AMIGO2: variants seen among roughly 807,000 people sequenced by gnomAD.
AMIGO2 encodes the protein adhesion molecule with Ig like domain 2, also known as amphoterin-induced protein 2.
Under a neutral mutation model 23.7 loss-of-function variants are expected in AMIGO2, and 15 were observed. The observed-to-expected ratio is 0.63, with a 90% CI of 0.42 to 0.98. The LOEUF is 0.98. Ranked by LOEUF, AMIGO2 falls within the 50% of genes least tolerant of loss-of-function variation. The pLI is 0.00. For synonymous variants in AMIGO2, 264 were observed against 252.3 expected, an observed-to-expected ratio of 1.05 and a Z score of -0.44; for missense variants, 561 against 633.1, an observed-to-expected ratio of 0.89 and a Z score of 1.22.
At position 47,078,866 on chromosome 12, in the gene AMIGO2, A is replaced by G. The variant is rs368728537; in HGVS notation, c.137T>C (p.Ile46Thr). 2 of 1,614,102 alleles carry G rather than the reference A, an allele frequency of 1.2e-6. No individual in the cohort carries two copies. Among genetic ancestry groups the G allele is most frequent in the African/African-American group, 2.7e-5 (2 of 74,922 alleles). Residue 46 changes from isoleucine to threonine, a missense_variant, in exon 3 of 3, where the codon ATC becomes ACC. Transcript: ENST00000550413. ...GASGVCPTACICATDIVSCTN... is the reference protein window; with the variant it reads ...GASGVCPTACTCATDIVSCTN... ...GCAGCTGACGATGTCAGTGGCACAG[A>G]TGCAAGCGGTGGGGCACACCCCAGA...
Position 47,076,488 on chromosome 12 carries a change from T to C in AMIGO2, c.*946A>G, listed in dbSNP as rs1357983958. 4.6e-5 allele frequency: 7 copies of C among 152,598 alleles called. No individual in the cohort carries two copies. The highest frequency in any genetic ancestry group is 1.2e-4 in the African/African-American group (5 of 41,432). The allele number at this position is 152,598 out of a possible 1,614,324, so 9.5% of individuals were successfully genotyped here. A position where few individuals can be genotyped will look rare whatever the true frequency, so the allele number is the denominator to read the frequency against. ...GCTATCAGTGGTGCTTTATACAAAA[T>C]AGCATAATCTGATAACATAAGACAT... On this transcript the variant is annotated 3_prime_UTR_variant, in exon 3 of 3. Coordinates refer to ENST00000550413, the MANE Select transcript of AMIGO2 (RefSeq NM_001370299.1).
rs1260345200 is a variant in AMIGO2 at position 47,077,488 on chromosome 12, G to C, written c.1515C>G (p.Asp505Glu). The part of the protein sequence containing the change: ...GILKSTRGKS[D>E]SDSVNSVFSD... Reference sequence around the variant, plus strand: ...AAAACACTGAATTGACTGAATCTGAGTCAGATTTCCCCCTCGTGGACTTTA... The same window carrying C: ...AAAACACTGAATTGACTGAATCTGACTCAGATTTCCCCCTCGTGGACTTTA... The change falls in exon 3 of 3, where the codon GAC becomes GAG. Residue 505 changes from aspartate to glutamate, a missense_variant. Transcript: ENST00000550413. The C allele has an allele frequency of 6.2e-7, 1 of 1,614,050 alleles. No homozygotes were observed. Among genetic ancestry groups the C allele is most frequent in the East Asian group, 2.2e-5 (1 of 44,898 alleles).
chr12:47,078,688 G>T lies in AMIGO2; in HGVS notation c.315C>A (p.Ile105=), dbSNP rs1941899282. ...AAAAACTGCCCGTGGAAATGCTGGT[G>T]ATGTTGTTATGACGAAGAATTAGGG... ...LNTLILRHNN[I]TSISTGSFST... is the part of the protein sequence containing the mutation. Residue 105 remains isoleucine, a synonymous_variant, in exon 3 of 3, where the codon ATC becomes ATA. Transcript: ENST00000550413. 1.2e-6 allele frequency: 2 copies of T among 1,614,120 alleles called. No homozygotes were observed.
chr12:47,079,565 T>A lies in AMIGO2; in HGVS notation c.-274A>T, dbSNP rs1230916822. ...GTCTGTCACTCTTGCACCTTCCGAC[T>A]TCCTTTCCCTCCGGCTCCCGGCGGG... On this transcript the variant is annotated 5_prime_UTR_variant, in exon 1 of 3. It adds an upstream start codon to the 5' untranslated region. Coordinates refer to ENST00000550413, the MANE Select transcript of AMIGO2 (RefSeq NM_001370299.1). 6.6e-6 allele frequency: 1 copy of A among 152,566 alleles called. No individual in the cohort carries two copies. The highest frequency in any genetic ancestry group is 2.4e-5 in the African/African-American group (1 of 41,448). 9.5% of individuals were successfully genotyped at this position (152,566 alleles called of 1,614,324 possible).
Position 47,077,027 on chromosome 12 carries a change from AT to A in AMIGO2, c.*406del. 1 of 158,730 alleles carries A rather than the reference AT, an allele frequency of 6.3e-6. No homozygotes were observed. The highest frequency in any genetic ancestry group is 6.3e-5 in the Admixed American group (1 of 15,974). The allele number at this position is 158,730 out of a possible 1,614,324, so 9.8% of individuals were successfully genotyped here. ...TCTTTCTACATCTTTTAAAAATGAA[AT>A]TGGACACTAGTGTTTTTCTTTAAAA... On this transcript the variant is annotated 3_prime_UTR_variant, in exon 3 of 3. Transcript: ENST00000550413.
In AMIGO2 at chr12:47,078,612, T is replaced by C; in HGVS notation, c.391A>G (p.Thr131Ala). Reference protein sequence around the residue: ...CLDLSSNKLKTVKNAVFQELK... With the variant: ...CLDLSSNKLKAVKNAVFQELK... The stretch of plus-strand genomic sequence containing the variant: ...TCTTGGAATACAGCATTTTTCACCG[T>C]CTTCAGCTTATTGGACGATAAGTCA... The change falls in exon 3 of 3, where the codon ACG becomes GCG. Residue 131 changes from threonine to alanine, a missense_variant. Coordinates refer to ENST00000550413, the MANE Select transcript of AMIGO2 (RefSeq NM_001370299.1). 2 of 1,614,198 alleles carry C rather than the reference T, an allele frequency of 1.2e-6. No individual in the cohort carries two copies. Among genetic ancestry groups the C allele is most frequent in the Non-Finnish European group, 1.7e-6 (2 of 1,180,036 alleles).
Position 47,079,172 on chromosome 12 carries a change from G to T in AMIGO2, c.-94C>A, listed in dbSNP as rs1320120230. ...TTTCTTTCCAATAACTTTTGAAATGGGTTTTATTTCACAATAGGGAGCTCT... is the reference window on the plus strand; with the variant it reads ...TTTCTTTCCAATAACTTTTGAAATGTGTTTTATTTCACAATAGGGAGCTCT... On this transcript the variant is annotated 5_prime_UTR_variant, in exon 2 of 3. Coordinates refer to ENST00000550413, the MANE Select transcript of AMIGO2 (RefSeq NM_001370299.1). The T allele has an allele frequency of 4.2e-6, 4 of 943,030 alleles. No individual in the cohort carries two copies. Among genetic ancestry groups the T allele is most frequent in the Non-Finnish European group, 6.1e-6 (4 of 660,036 alleles). The allele number at this position is 943,030 out of a possible 1,614,324, so 58.4% of individuals were successfully genotyped here. A position where few individuals can be genotyped will look rare whatever the true frequency, so the allele number is the denominator to read the frequency against.
In AMIGO2 at chr12:47,076,452, G is replaced by A. The variant is rs1941857256; in HGVS notation, c.*982C>T. 1.4e-5 allele frequency: 2 copies of A among 148,074 alleles called. No homozygotes were observed. Among genetic ancestry groups the A allele is most frequent in the East Asian group, 2.0e-4 (1 of 5,020 alleles). The allele number at this position is 148,074 out of a possible 1,614,324, so 9.2% of individuals were successfully genotyped here. A position where few individuals can be genotyped will look rare whatever the true frequency, so the allele number is the denominator to read the frequency against. On this transcript the variant is annotated 3_prime_UTR_variant, in exon 3 of 3. Coordinates refer to ENST00000550413, the MANE Select transcript of AMIGO2 (RefSeq NM_001370299.1). ...AAAAAAATCAACTTTAAGAATTTTG[G>A]AGAGAGATTTGCTATCAGTGGTGCT...
Position 47,078,381 on chromosome 12 carries a change from G to T in AMIGO2, c.622C>A (p.Pro208Thr). The T allele has an allele frequency of 2.5e-6, 4 of 1,614,002 alleles. No homozygotes were observed. The highest frequency in any genetic ancestry group is 2.5e-6 in the Non-Finnish European group (3 of 1,180,032). Reference sequence around the variant, plus strand: ...GGCACTAAATTTATGTGGTGCATTGGCATGGAAGGAATTCGGTTATAAGAA... The same window carrying T: ...GGCACTAAATTTATGTGGTGCATTGTCATGGAAGGAATTCGGTTATAAGAA... ...DVSYNRIPSM[P>T]MHHINLVPGK... is the part of the protein sequence containing the mutation. Residue 208 changes from proline to threonine, a missense_variant, in exon 3 of 3, where the codon CCA becomes ACA. Physicochemically the swap from Pro to Thr is conservative, Grantham distance 38. Coordinates refer to ENST00000550413, the MANE Select transcript of AMIGO2 (RefSeq NM_001370299.1).
Position 47,078,400 on chromosome 12 carries a change from A to G in AMIGO2, c.603T>C (p.Tyr201=). Residue 201 remains tyrosine, a synonymous_variant, in exon 3 of 3, where the codon TAT becomes TAC. Coordinates refer to ENST00000550413, the MANE Select transcript of AMIGO2 (RefSeq NM_001370299.1). ...GCATTGGCATGGAAGGAATTCGGTT[A>G]TAAGAAACATCTAAAAACATCAGTT... is the stretch of plus-strand genomic sequence containing the variant. The part of the protein sequence containing the change: ...LAELMFLDVS[Y]NRIPSMPMHH... 6.2e-7 allele frequency: 1 copy of G among 1,614,168 alleles called. No homozygotes were observed. Among genetic ancestry groups the G allele is most frequent in the African/African-American group, 1.3e-5 (1 of 75,060 alleles).
rs1232501621 is a variant in AMIGO2, at chr12:47,077,993, A to G, written c.1010T>C (p.Met337Thr). Residue 337 changes from methionine (M) to threonine (T), a missense_variant, in exon 3 of 3, where the codon ATG (methionine) becomes ACG (threonine). By Grantham distance (81) the Met-to-Thr change is moderately conservative. Transcript: ENST00000550413. ...ATTGTGAAACACGTAAAAGTTTTCCATCTCTTTATCCGGCTCTAGCAGTCT... is the reference window on the plus strand; with the variant it reads ...ATTGTGAAACACGTAAAAGTTTTCCGTCTCTTTATCCGGCTCTAGCAGTCT... ...DNRLLEPDKE[M>T]ENFYVFHNGS... 3.1e-6 allele frequency: 5 copies of G among 1,613,754 alleles called. No individual in the cohort carries two copies. The highest frequency in any genetic ancestry group is 4.2e-6 in the Non-Finnish European group (5 of 1,180,044).
In AMIGO2 at chr12:47,077,990, T is replaced by C. The variant is rs570724023; in HGVS notation, c.1013A>G (p.Glu338Gly). Residue 338 changes from glutamate (E) to glycine (G), a missense_variant, in exon 3 of 3, where the codon GAA (glutamate) becomes GGA (glycine). By Grantham distance (98) the Glu-to-Gly change is moderately conservative. Coordinates refer to ENST00000550413, the MANE Select transcript of AMIGO2 (RefSeq NM_001370299.1). ...TCCATTGTGAAACACGTAAAAGTTT[T>C]CCATCTCTTTATCCGGCTCTAGCAG... ...NRLLEPDKEMENFYVFHNGSL... is the reference protein window; with the variant it reads ...NRLLEPDKEMGNFYVFHNGSL... 4 of 1,613,900 alleles carry C rather than the reference T, an allele frequency of 2.5e-6. No homozygotes were observed. The South Asian group carries it at 4.4e-5, about 18-fold the overall frequency.
rs983995863 is a variant in AMIGO2, at chr12:47,076,923, T to A, written c.*511A>T. 1 of 157,702 alleles carries A rather than the reference T, an allele frequency of 6.3e-6. No homozygotes were observed. Among genetic ancestry groups the A allele is most frequent in the Admixed American group, 6.2e-5 (1 of 16,072 alleles). The allele number at this position is 157,702 out of a possible 1,614,324, so 9.8% of individuals were successfully genotyped here. On this transcript the variant is annotated 3_prime_UTR_variant, in exon 3 of 3. Coordinates refer to ENST00000550413, the MANE Select transcript of AMIGO2 (RefSeq NM_001370299.1). ...TATCAGTGTAGTCTATTCATTCTGG[T>A]CTAAAACGGTAATTTTGGCTGAATA...
In AMIGO2 at chr12:47,078,037, G is replaced by A. The variant is rs762661191; in HGVS notation, c.966C>T (p.Ile322=). Residue 322 remains isoleucine, a synonymous_variant, in exon 3 of 3, where the codon ATC becomes ATT. Transcript: ENST00000550413. The part of the protein sequence containing the change: ...SKTGNANTDF[I]WVGPDNRLLE... ...GCAGTCTGTTATCTGGACCCACCCA[G>A]ATGAAATCCGTATTTGCATTACCTG... 3.2e-5 allele frequency: 51 copies of A among 1,613,934 alleles called. No individual in the cohort carries two copies. The highest frequency in any genetic ancestry group is 4.2e-5 in the Non-Finnish European group (49 of 1,180,054).
In AMIGO2 at chr12:47,077,144, G is replaced by T; in HGVS notation, c.*290C>A. The T allele has an allele frequency of 3.5e-6, 1 of 289,502 alleles. No homozygotes were observed. The highest frequency in any genetic ancestry group is 6.4e-6 in the Non-Finnish European group (1 of 155,668). 17.9% of individuals were successfully genotyped at this position (289,502 alleles called of 1,614,324 possible). On this transcript the variant is annotated 3_prime_UTR_variant, in exon 3 of 3. Transcript: ENST00000550413. ...TTTCTTTCAATATCCTAAATAAAGG[G>T]ACAATGGGAGTCATATCACCTTTGG...
chr12:47,078,263 T>G lies in AMIGO2; in HGVS notation c.740A>C (p.His247Pro). ...YSLLVFWYRR[H>P]FSSVMDFKND... The stretch of plus-strand genomic sequence containing the variant: ...CTTAAAATCCATCACTGAGCTAAAG[T>G]GCCTACGATACCAAAAGACCAGCAA... The change falls in exon 3 of 3, where the codon CAC becomes CCC. Residue 247 changes from histidine to proline, a missense_variant. Transcript: ENST00000550413. 6.2e-7 allele frequency: 1 copy of G among 1,614,034 alleles called. No homozygotes were observed. Among genetic ancestry groups the G allele is most frequent in the Non-Finnish European group, 8.5e-7 (1 of 1,180,010 alleles).
Position 47,078,712 on chromosome 12 carries a change from G to C in AMIGO2, c.291C>G (p.Thr97=). ...TGATGTTGTTATGACGAAGAATTAG[G>C]GTGTTCAGCTTTGCAAACGATACTG... ...WIPVSFAKLN[T]LILRHNNITS... The change falls in exon 3 of 3, where the codon ACC becomes ACG. Residue 97 remains threonine (T), a synonymous_variant. Coordinates refer to ENST00000550413, the MANE Select transcript of AMIGO2 (RefSeq NM_001370299.1). 1 of 1,614,170 alleles carries C rather than the reference G, an allele frequency of 6.2e-7. No individual in the cohort carries two copies. Among genetic ancestry groups the C allele is most frequent in the Non-Finnish European group, 8.5e-7 (1 of 1,180,052 alleles).
In AMIGO2 at chr12:47,078,606, T is replaced by A; in HGVS notation, c.397A>T (p.Lys133Ter). The stretch of plus-strand genomic sequence containing the variant: ...TTCAACTCTTGGAATACAGCATTTT[T>A]CACCGTCTTCAGCTTATTGGACGAT... ...DLSSNKLKTV[K>*]NAVFQELKVL... The change falls in exon 3 of 3, where the codon AAA (lysine) becomes TAA (stop). Residue 133 changes from lysine (K) to a stop codon, truncating the protein, a stop_gained. Transcript: ENST00000550413. LOFTEE classifies it high-confidence loss of function. 1 of 1,614,208 alleles carries A rather than the reference T, an allele frequency of 6.2e-7. No individual in the cohort carries two copies. The highest frequency in any genetic ancestry group is 8.5e-7 in the Non-Finnish European group (1 of 1,180,036).
rs184724217 is a variant in AMIGO2 at position 47,078,185 on chromosome 12, A to C, written c.818T>G (p.Leu273Arg). 1.4e-4 allele frequency: 225 copies of C among 1,614,198 alleles called. 2 individuals are homozygous for C. The East Asian group carries it at 4.6e-3, about 33-fold the overall frequency. ...ATTCATAAAGCTATCCTGGAGCAGAAGTACCTGACGCGAGTGCCTGGAGTC... is the reference window on the plus strand; with the variant it reads ...ATTCATAAAGCTATCCTGGAGCAGACGTACCTGACGCGAGTGCCTGGAGTC... ...WSDSRHSRQV[L>R]LLQDSFMNCS... The change falls in exon 3 of 3, where the codon CTT becomes CGT. Residue 273 changes from leucine to arginine, a missense_variant. Leu to Arg is a moderately radical substitution (Grantham distance 102). Transcript: ENST00000550413.
Sources: allele counts gnomAD v4.1 joint callset, GRCh38; gene constraint gnomAD v4.1.1; transcripts MANE v1.5; gene names NCBI Gene and HGNC (gene_info 2026-07-23, HGNC 2026-07-21).